Variants in PLCL2 observed in about 807,000 individuals in gnomAD.
PLCL2 encodes phospholipase C like 2.
PLCL2 carries 4 observed loss-of-function variants against 79.6 expected under a neutral mutation model. That is an observed-to-expected ratio of 0.05 (90% CI 0.02 to 0.11). PLCL2 has a LOEUF of 0.11. Ranked by LOEUF, PLCL2 falls within the 10% of genes least tolerant of loss-of-function variation. The probability of loss-of-function intolerance (pLI) is 1.00; values close to 1 mark genes in which losing one functional copy is unlikely to be tolerated. For missense variants in PLCL2, 895 were observed against 1,291.0 expected, an observed-to-expected ratio of 0.69 and a Z score of 4.70; for synonymous variants, 484 against 457.7, an observed-to-expected ratio of 1.06 and a Z score of -0.73.
intron 1 of PLCL2, among the ~76,000 whole-genome samples, chr3:16,893,319 A>G (rs1696394532): frequency 6.6e-6 from 1 of 152,200 alleles, no homozygotes; most frequent in Non-Finnish European, 1.5e-5. Context: ...GCAGGTAACA[A>G]CTAGTAATGG....
intron 1 of PLCL2, among the ~76,000 whole-genome samples, chr3:16,898,149 T>C (rs761176420): frequency 1.3e-5 from 2 of 152,200 alleles, no homozygotes; most frequent in African/African-American, 4.8e-5. Context: ...ACCAACAGTT[T>C]GGCAGCAGCA....
chr3:17,025,769 A>G (rs2064511301), intron 3 of PLCL2, among the ~76,000 whole-genome samples: 1 of 152,118 alleles, frequency 6.6e-6, no homozygotes. Flanking sequence ...TCCACAGCTG[A>G]TGTATTTCTA....
At chr3:17,076,067 T>C (rs1327649607) in intron 5 of PLCL2, among the ~76,000 whole-genome samples, 1 of 152,168 alleles carries the variant, frequency 6.6e-6, no homozygotes. Flanking sequence ...GGCAAATGTG[T>C]GTGAGACTGA....
At chr3:17,034,014 C>T (rs571893525) in intron 3 of PLCL2, among the ~76,000 whole-genome samples, 7 of 152,168 alleles carry the variant, frequency 4.6e-5, no homozygotes, top group East Asian at 1.9e-4. Flanking sequence ...CAGTTACAGC[C>T]GATCCTTGAA....
chr3:16,889,049 G>A (rs565071338), intron 1 of PLCL2, among the ~76,000 whole-genome samples: 20 of 152,006 alleles, frequency 1.3e-4, no homozygotes, highest in Non-Finnish European at 2.5e-4. Context: ...GGCAATCTTC[G>A]GTTCTTTTTT....
chr3:17,061,172 C>T (rs1227653618), intron 4 of PLCL2, among the ~76,000 whole-genome samples: 1 of 152,158 alleles, frequency 6.6e-6, no homozygotes, highest in African/African-American at 2.4e-5. Flanking sequence ...GTCTGCTTTA[C>T]GTTTGGCAAG....
At chr3:16,910,079 C>T (rs1452596492) in intron 1 of PLCL2, among the ~76,000 whole-genome samples, 2 of 152,192 alleles carry the variant, frequency 1.3e-5, no homozygotes, top group Admixed American at 6.5e-5. Context: ...CCCACCTCTC[C>T]TGTAGCACCA....
At position 16,970,387 on chromosome 3, in the gene PLCL2, GA is replaced by G. The variant is rs1351785363; in HGVS notation, c.328-39285del. ...TCATCCATGTCCCTACAAAGGACAT[GA>G]ACTCATCATTTTTTATGGCTGCATA... On this transcript the variant is annotated intron_variant, in intron 1 of 5. Coordinates refer to ENST00000615277, the MANE Select transcript of PLCL2 (RefSeq NM_001144382.2). Among the ~76,000 whole-genome samples, 4 of 150,956 alleles carry G rather than the reference GA, an allele frequency of 2.6e-5. No individual in the cohort carries two copies. In the East Asian group the frequency reaches 7.8e-4, roughly 29 times the overall value.
At chr3:16,960,278 T>C (rs1297406943) in intron 1 of PLCL2, among the ~76,000 whole-genome samples, 1 of 152,166 alleles carries the variant, frequency 6.6e-6, no homozygotes, top group Non-Finnish European at 1.5e-5. Flanking sequence ...TGGAGTCACA[T>C]GCTGATTTAT....
chr3:17,017,351 C>A (rs572293639), intron 3 of PLCL2, among the ~76,000 whole-genome samples: 3 of 152,196 alleles, frequency 2.0e-5, no homozygotes, highest in South Asian at 2.1e-4. Context: ...TTAATTCCAT[C>A]TGATAAAATA....
intron 4 of PLCL2, among the ~76,000 whole-genome samples, chr3:17,065,930 G>GTA (rs1280827181): frequency 6.6e-6 from 1 of 152,114 alleles, no homozygotes; most frequent in Non-Finnish European, 1.5e-5. Flanking sequence ...TGAGAATATG[G>GTA]TACCTCCTGA....
chr3:17,034,972 C>T (rs1248492919), intron 3 of PLCL2, among the ~76,000 whole-genome samples: 25 of 152,170 alleles, frequency 1.6e-4, no homozygotes, highest in African/African-American at 2.4e-5. Flanking sequence ...TTCCTGCCCT[C>T]GGACCACTCT....
chr3:16,974,102 A>G (rs1424926835), intron 1 of PLCL2, among the ~76,000 whole-genome samples: 1 of 152,190 alleles, frequency 6.6e-6, no homozygotes, highest in East Asian at 1.9e-4. Context: ...CTTGGGAAGT[A>G]TCAGGGAGAG....
chr3:16,946,953 C>CTTTTTTTT (rs1056023349), intron 1 of PLCL2, among the ~76,000 whole-genome samples: 8,955 of 94,982 alleles, frequency 0.094, 1,233 homozygotes, highest in African/African-American at 0.15. Flanking sequence ...AAGTTTCATT[C>CTTTTTTTT]TTTTTTTTTT....
chr3:17,011,940 C>G lies in PLCL2; in HGVS notation c.2594C>G (p.Thr865Ser). The change falls in exon 2 of 6, where the codon ACT becomes AGT. Residue 865 changes from threonine to serine, a missense_variant. Thr to Ser is a moderately conservative substitution (Grantham distance 58). Transcript: ENST00000615277. This position sits in a 1 kb window ranked among gnomAD's most constrained non-coding sequence, Gnocchi z 7.9. ...CGCCATGTCCCCCTGCAGTCCTTAA[C>G]TGGAGAGGTCCTTGCACATGCTTCT... is the stretch of plus-strand genomic sequence containing the variant. ...GYRHVPLQSL[T>S]GEVLAHASLF... The G allele has an allele frequency of 1.1e-5, 17 of 1,614,228 alleles. No individual in the cohort carries two copies. Among genetic ancestry groups the G allele is most frequent in the Non-Finnish European group, 1.4e-5 (17 of 1,180,032 alleles).
chr3:16,894,580 A>G (rs1696428517), intron 1 of PLCL2, among the ~76,000 whole-genome samples: 1 of 152,196 alleles, frequency 6.6e-6, no homozygotes, highest in Non-Finnish European at 1.5e-5. Context: ...TAGGTGCTCT[A>G]AATGCACACA....
chr3:16,996,284 C>T (rs897486180), intron 1 of PLCL2, among the ~76,000 whole-genome samples: 1 of 152,012 alleles, frequency 6.6e-6, no homozygotes, highest in African/African-American at 2.4e-5. Flanking sequence ...CTCAGGGCAT[C>T]AGGAGACTTA....
chr3:16,915,454 T>C (rs1281929672), intron 1 of PLCL2, among the ~76,000 whole-genome samples: 2 of 152,168 alleles, frequency 1.3e-5, no homozygotes, highest in Admixed American at 6.5e-5. Context: ...TTTTTCAGTG[T>C]ATATTTCCTG....
intron 1 of PLCL2, among the ~76,000 whole-genome samples, chr3:16,955,220 C>G (rs547778242): frequency 7.4e-4 from 112 of 152,138 alleles, no homozygotes; most frequent in Middle Eastern, 3.4e-3. Context: ...GTAAGGAAGG[C>G]ATCCAGTTTC....
Sources: gnomAD v4.1 joint callset for allele counts (sites outside exome capture counted in the v4.1 genomes callset) on GRCh38, gnomAD v4.1.1 for gene constraint, Gnocchi (gnomAD v3.1) non-coding constraint, MANE v1.5 for transcripts, NCBI Gene and HGNC (gene_info 2026-07-23, HGNC 2026-07-21) for gene names.